Variants in SYT14 observed in about 807,000 individuals in gnomAD.
SYT14 encodes synaptotagmin 14, also known as synaptotagmin-14.
Under a neutral mutation model 74.2 loss-of-function variants are expected in SYT14, and 32 were observed. The ratio of observed to expected loss-of-function variants is 0.43; its 90% CI spans 0.33 to 0.58. The LOEUF (loss-of-function observed/expected upper bound fraction) is 0.58. Ranked by LOEUF, SYT14 falls within the 20% of genes least tolerant of loss-of-function variation. The probability of loss-of-function intolerance (pLI) is 0.05; values close to 1 mark genes in which losing one functional copy is unlikely to be tolerated. For synonymous variants in SYT14, 298 were observed against 337.7 expected (o/e 0.88, Z 1.29); for missense variants, 791 against 981.8 (o/e 0.81, Z 2.60).
rs979371895 is a variant in SYT14, at chr1:210,133,317, A to G, written c.2035-22404A>G. Among the ~76,000 whole-genome samples, 14 of 152,226 alleles carry G rather than the reference A, an allele frequency of 9.2e-5. No homozygotes were observed. The South Asian group carries it at 1.4e-3, about 16-fold the overall frequency. On this transcript the variant is annotated intron_variant, in intron 7 of 9. Transcript: ENST00000637265. ...AGGTTCTTCAACACTTATTATTCCT[A>G]TAATATAATGGATGCAGCTTTTGTG...
In SYT14 at chr1:210,013,923, T is replaced by C. The variant is rs544432581; in HGVS notation, c.-321+126T>C. The C allele has an allele frequency of 6.1e-5, 56 of 914,590 alleles. 2 individuals are homozygous for C. The South Asian group carries it at 9.6e-4, about 16-fold the overall frequency. 56.7% of individuals were successfully genotyped at this position (914,590 alleles called of 1,614,324 possible). A position where few individuals can be genotyped will look rare whatever the true frequency, so the allele number is the denominator to read the frequency against. Reference sequence around the variant, plus strand: ...TAAACTAATATTTGAGCTACTGTTCTGTAAAAGATCTGTTAAGTAAATTAT... The same window carrying C: ...TAAACTAATATTTGAGCTACTGTTCCGTAAAAGATCTGTTAAGTAAATTAT... On this transcript the variant is annotated intron_variant, in intron 3 of 9. Coordinates refer to ENST00000637265, the Ensembl canonical transcript of SYT14.
intron 5 of SYT14, among the ~76,000 whole-genome samples, chr1:210,085,938 T>A (rs1403328544): frequency 6.6e-6 from 1 of 152,104 alleles, no homozygotes; most frequent in East Asian, 1.9e-4. Context: ...ACCTGAAAAA[T>A]TTTGTGTAAA....
chr1:210,079,693 A>G (rs944849499), intron 5 of SYT14, among the ~76,000 whole-genome samples: 14 of 152,170 alleles, frequency 9.2e-5, no homozygotes, highest in Non-Finnish European at 1.8e-4. Flanking sequence ...GTAAGAAAAA[A>G]CTATTTTGAG....
chr1:209,966,082 G>C, intron 2 of SYT14: 1 of 368,414 alleles, frequency 2.7e-6, no homozygotes, highest in South Asian at 2.1e-5. Context: ...ATCTTGGCCA[G>C]GGTGGTCTCG....
rs111401036 is a variant in SYT14 at position 210,098,933 on chromosome 1, A to G, written c.1585-1079A>G. On this transcript the variant is annotated intron_variant, in intron 6 of 9. Transcript: ENST00000637265. ...GGTCTCGAACTCCTGACCTCAAGTG[A>G]TCTGCCTGCCTCAGCTCCCCAAATC... Among the ~76,000 whole-genome samples, 335 of 152,236 alleles carry G rather than the reference A, an allele frequency of 2.2e-3. 1 individual carries two copies. Among genetic ancestry groups the G allele is most frequent in the African/African-American group, 7.6e-3 (315 of 41,546 alleles).
At chr1:210,150,616 C>T (rs977360052) in intron 7 of SYT14, among the ~76,000 whole-genome samples, 3 of 152,152 alleles carry the variant, frequency 2.0e-5, no homozygotes, top group African/African-American at 7.2e-5. Flanking sequence ...AACTTCAGCA[C>T]CCTCTGTGAT....
intron 5 of SYT14, among the ~76,000 whole-genome samples, chr1:210,052,091 T>A (rs1173354021): frequency 6.6e-6 from 1 of 152,220 alleles, no homozygotes; most frequent in Non-Finnish European, 1.5e-5. Flanking sequence ...CAATAACTTG[T>A]TAAATTCTTT....
intron 1 of SYT14, among the ~76,000 whole-genome samples, chr1:209,946,914 A>T (rs555275112): frequency 6.6e-6 from 1 of 152,302 alleles, no homozygotes; most frequent in South Asian, 2.1e-4. Context: ...CCCATTGACG[A>T]TTCTGAAAAT....
At chr1:209,991,955 A>G (rs1190814975) in intron 2 of SYT14, among the ~76,000 whole-genome samples, 4 of 152,352 alleles carry the variant, frequency 2.6e-5, no homozygotes, top group African/African-American at 4.8e-5. Flanking sequence ...GATTTCTCAA[A>G]TAATTTAAAC....
At chr1:209,945,587 A>G (rs569897029) in intron 1 of SYT14, among the ~76,000 whole-genome samples, 17 of 152,332 alleles carry the variant, frequency 1.1e-4, no homozygotes, top group African/African-American at 3.8e-4. Context: ...TGACTAATGC[A>G]TGTGCTTTGG....
chr1:210,155,520 A>G (rs1352257046), intron 7 of SYT14, among the ~76,000 whole-genome samples: 2 of 152,164 alleles, frequency 1.3e-5, no homozygotes, highest in Admixed American at 6.5e-5. Context: ...CTCATTTCCT[A>G]TTACTTCTTT....
At chr1:210,024,721 T>A (rs1245696317) in intron 5 of SYT14, among the ~76,000 whole-genome samples, 3 of 151,966 alleles carry the variant, frequency 2.0e-5, no homozygotes, top group African/African-American at 7.2e-5. Flanking sequence ...TGAAGGAGAA[T>A]GTGTGGAGAG....
intron 7 of SYT14, among the ~76,000 whole-genome samples, chr1:210,105,488 G>T (rs2082142459): frequency 6.6e-6 from 1 of 152,182 alleles, no homozygotes; most frequent in Non-Finnish European, 1.5e-5. Flanking sequence ...TCGATATGTT[G>T]TATAAGGAGG....
At chr1:209,965,393 A>T (rs114786476) in intron 2 of SYT14, among the ~76,000 whole-genome samples, 84 of 152,312 alleles carry the variant, frequency 5.5e-4, no homozygotes, top group African/African-American at 2.0e-3. Context: ...ACATGATTTC[A>T]TCTCTTTTGT....
At chr1:210,151,515 T>C (rs866108419) in intron 7 of SYT14, among the ~76,000 whole-genome samples, 53 of 103,706 alleles carry the variant, frequency 5.1e-4, no homozygotes, top group East Asian at 1.0e-3. Context: ...CCCCCCCCCT[T>C]TTTTTTTTTT....
At chr1:209,953,081 C>T (rs1012195442) in intron 2 of SYT14, 45 of 1,324,328 alleles carry the variant, frequency 3.4e-5, no homozygotes, top group Non-Finnish European at 4.2e-5. Context: ...GCATGCTGAT[C>T]TCCCATTGAC....
intron 2 of SYT14, among the ~76,000 whole-genome samples, chr1:210,007,023 T>C (rs544859958): frequency 3.3e-5 from 5 of 152,084 alleles, no homozygotes; most frequent in African/African-American, 9.6e-5. Flanking sequence ...TGCTCTTGCT[T>C]TGACTTTAGT....
intron 7 of SYT14, among the ~76,000 whole-genome samples, chr1:210,131,676 C>T (rs1028087315): frequency 9.2e-5 from 14 of 152,236 alleles, no homozygotes; most frequent in Middle Eastern, 3.4e-3. Flanking sequence ...TACTAATTTT[C>T]TCCCTTTTTA....
intron 7 of SYT14, among the ~76,000 whole-genome samples, chr1:210,136,470 A>G (rs1345734658): frequency 6.6e-6 from 1 of 152,214 alleles, no homozygotes; most frequent in Non-Finnish European, 1.5e-5. Flanking sequence ...ATGATGGCCA[A>G]AGTTCCAATT....
Sources: gnomAD v4.1 joint callset for allele counts (sites outside exome capture counted in the v4.1 genomes callset) on GRCh38, gnomAD v4.1.1 for gene constraint, MANE v1.5 for transcripts, NCBI Gene and HGNC (gene_info 2026-07-23, HGNC 2026-07-21) for gene names.